NECTIN1: variants seen among roughly 807,000 people sequenced by gnomAD.
The protein encoded by NECTIN1 is nectin cell adhesion molecule 1.
Under a neutral mutation model 48.0 loss-of-function variants are expected in NECTIN1, and 23 were observed. The ratio of observed to expected loss-of-function variants is 0.48; its 90% CI spans 0.34 to 0.68. The LOEUF is 0.68. NECTIN1 is among the 30% of genes least tolerant of loss of function. The probability of loss-of-function intolerance (pLI) is 0.01; values close to 1 mark genes in which losing one functional copy is unlikely to be tolerated. For synonymous variants in NECTIN1, 270 were observed against 288.9 expected (o/e 0.93, Z 0.66); for missense variants, 591 against 709.9 (o/e 0.83, Z 1.90).
intron 5 of NECTIN1, chr11:119,674,571 C>G: frequency 6.2e-7 from 1 of 1,614,218 alleles, no homozygotes; most frequent in Non-Finnish European, 8.5e-7. Context: ...GCTCCTTTCA[C>G]GTCCCAGGTG....
downstream of NECTIN1, among the ~76,000 whole-genome samples, chr11:119,659,888 A>T (rs1401047674): frequency 6.6e-6 from 1 of 152,268 alleles, no homozygotes; most frequent in Non-Finnish European, 1.5e-5. Flanking sequence ...TTAAACGGAC[A>T]GCCTGGAAAA....
intron 1 of NECTIN1, among the ~76,000 whole-genome samples, chr11:119,686,196 G>A (rs959936999): frequency 9.2e-5 from 14 of 152,260 alleles, no homozygotes; most frequent in Middle Eastern, 6.8e-3. Flanking sequence ...TTCCAGCCCC[G>A]CTGGTCCTGA....
intron 1 of NECTIN1, among the ~76,000 whole-genome samples, chr11:119,708,142 G>A (rs1414132536): frequency 6.6e-6 from 1 of 152,224 alleles, no homozygotes; most frequent in Non-Finnish European, 1.5e-5. Flanking sequence ...AGGCGCCACA[G>A]AAGATGTGAG....
At chr11:119,647,402 C>A (rs1864413436) in intron 5 of NECTIN1, among the ~76,000 whole-genome samples, 1 of 151,942 alleles carries the variant, frequency 6.6e-6, no homozygotes, top group South Asian at 2.1e-4. Context: ...CGACTCTGAA[C>A]CCCCTCCAAG....
intron 1 of NECTIN1, among the ~76,000 whole-genome samples, chr11:119,690,922 C>A (rs1019609931): frequency 3.3e-5 from 5 of 152,188 alleles, no homozygotes; most frequent in Non-Finnish European, 5.9e-5. Flanking sequence ...CCACCCCAAC[C>A]CCGATTCTCT....
chr11:119,677,229 A>C lies in NECTIN1; in HGVS notation c.734-10T>G, dbSNP rs749669622. On this transcript the variant is annotated splice_polypyrimidine_tract_variant and intron_variant, in intron 3 of 5. Coordinates refer to ENST00000264025, the MANE Select transcript of NECTIN1 (RefSeq NM_002855.5). The surrounding 1 kb of genome is among the most constrained non-coding windows in gnomAD (Gnocchi z 5.4). ...GTTACCTCAGGCTCATCTGTGGGGC[A>C]AGGGATGTTTGAAGAGGGTGAGGTC... The C allele has an allele frequency of 1.2e-6, 2 of 1,610,316 alleles. No individual in the cohort carries two copies. Among genetic ancestry groups the C allele is most frequent in the Non-Finnish European group, 1.7e-6 (2 of 1,176,584 alleles).
chr11:119,687,341 A>T lies in NECTIN1; in HGVS notation c.80-8576T>A, dbSNP rs1000462656. On this transcript the variant is annotated intron_variant, in intron 1 of 5. Coordinates refer to ENST00000264025, the MANE Select transcript of NECTIN1 (RefSeq NM_002855.5). ...CCATCCCTGAGGCCCTGCTCTGGAG[A>T]TCTTAGCCTTGTTTGTGTCTGCACT... The T allele has an allele frequency of 3.9e-5, 6 of 152,112 alleles. No homozygotes were observed. In the South Asian group the frequency reaches 6.2e-4, roughly 16 times the overall value. 9.4% of individuals were successfully genotyped at this position (152,112 alleles called of 1,614,324 possible).
chr11:119,714,940 G>A (rs113393629), intron 1 of NECTIN1, among the ~76,000 whole-genome samples: 1 of 152,164 alleles, frequency 6.6e-6, no homozygotes, highest in Non-Finnish European at 1.5e-5. Flanking sequence ...ATGGTGAGGT[G>A]TGTGAGACTC....
At chr11:119,668,268 C>A (rs1864808070) in intron 5 of NECTIN1, among the ~76,000 whole-genome samples, 1 of 152,212 alleles carries the variant, frequency 6.6e-6, no homozygotes, top group South Asian at 2.1e-4. Context: ...CCAGGTTTTA[C>A]TGCTGTGGTC....
rs1864685292 is a variant in NECTIN1 at position 119,662,527 on chromosome 11, G to A, written c.*2220C>T. On this transcript the variant is annotated 3_prime_UTR_variant, in exon 6 of 6. Coordinates refer to ENST00000264025, the MANE Select transcript of NECTIN1 (RefSeq NM_002855.5). The surrounding 1 kb of genome is among the most constrained non-coding windows in gnomAD (Gnocchi z 5.3). ...TTTGGCTGGGCTTGGGGCCTTCAAAGTCCAACACAGAATGGGGAATAGAGG... is the reference window on the plus strand; with the variant it reads ...TTTGGCTGGGCTTGGGGCCTTCAAAATCCAACACAGAATGGGGAATAGAGG... 2.0e-6 allele frequency: 2 copies of A among 985,704 alleles called. No individual in the cohort carries two copies. The highest frequency in any genetic ancestry group is 1.2e-6 in the Non-Finnish European group (1 of 830,022). 61.1% of individuals were successfully genotyped at this position (985,704 alleles called of 1,614,324 possible). A position where few individuals can be genotyped will look rare whatever the true frequency, so the allele number is the denominator to read the frequency against.
chr11:119,685,896 G>T (rs1331841849), intron 1 of NECTIN1, among the ~76,000 whole-genome samples: 1 of 152,136 alleles, frequency 6.6e-6, no homozygotes, highest in East Asian at 1.9e-4. Context: ...GGGAATATTG[G>T]CTCTGATGAC....
Position 119,678,890 on chromosome 11 carries a change from T to A in NECTIN1, c.80-125A>T, listed in dbSNP as rs1284984153. 1 of 715,224 alleles carries A rather than the reference T, an allele frequency of 1.4e-6. No homozygotes were observed. Among genetic ancestry groups the A allele is most frequent in the Non-Finnish European group, 2.5e-6 (1 of 403,714 alleles). 44.3% of individuals were successfully genotyped at this position (715,224 alleles called of 1,614,324 possible). On this transcript the variant is annotated intron_variant, in intron 1 of 5. Transcript: ENST00000264025. This position sits in a 1 kb window ranked among gnomAD's most constrained non-coding sequence, Gnocchi z 4.4. ...ATTGTTTTTATTCCGATTGTAAAAA[T>A]ATTAATTACTTGTTATAAAAACACT...
At chr11:119,651,321 T>C (rs545524502) in intron 5 of NECTIN1, among the ~76,000 whole-genome samples, 1 of 152,054 alleles carries the variant, frequency 6.6e-6, no homozygotes, top group Admixed American at 6.5e-5. Flanking sequence ...TCAGAAAGAG[T>C]ATCATGTGAG....
downstream of NECTIN1, among the ~76,000 whole-genome samples, chr11:119,658,508 C>T (rs535947569): frequency 3.9e-5 from 6 of 152,224 alleles, no homozygotes; most frequent in East Asian, 1.9e-4. Context: ...CTGTGGGCAC[C>T]GGTACAGAGG....
intron 1 of NECTIN1, among the ~76,000 whole-genome samples, chr11:119,687,893 G>C (rs1163788799): frequency 6.6e-6 from 1 of 152,218 alleles, no homozygotes; most frequent in African/African-American, 2.4e-5. Context: ...ATGGCCGGGG[G>C]GGTGAGTGGA....
Position 119,684,372 on chromosome 11 carries a change from C to T in NECTIN1, c.80-5607G>A, listed in dbSNP as rs1865117730. On this transcript the variant is annotated intron_variant, in intron 1 of 5. Coordinates refer to ENST00000264025, the MANE Select transcript of NECTIN1 (RefSeq NM_002855.5). The surrounding 1 kb of genome is among the most constrained non-coding windows in gnomAD (Gnocchi z 5.2). ...CTTGGCCTGGAGTAAAGTGGCGGCA[C>T]ATTGCAGAGAGGGAGTGGGTCTGTG... 6.6e-6 allele frequency among the ~76,000 whole-genome samples: 1 copy of T among 152,236 alleles called. No individual in the cohort carries two copies. Among genetic ancestry groups the T allele is most frequent in the Non-Finnish European group, 1.5e-5 (1 of 68,042 alleles).
chr11:119,644,577 G>C (rs1864370197), intron 5 of NECTIN1, among the ~76,000 whole-genome samples: 1 of 152,228 alleles, frequency 6.6e-6, no homozygotes, highest in South Asian at 2.1e-4. Context: ...CCGGTGTGAG[G>C]GGCTTGCCCC....
chr11:119,682,145 A>T (rs1865070224), intron 1 of NECTIN1, among the ~76,000 whole-genome samples: 1 of 152,088 alleles, frequency 6.6e-6, no homozygotes, highest in Non-Finnish European at 1.5e-5. Flanking sequence ...GGTTGGGGAG[A>T]AGGACCCTCA....
chr11:119,713,840 G>C (rs1388577071), intron 1 of NECTIN1: 1 of 455,976 alleles, frequency 2.2e-6, no homozygotes, highest in Non-Finnish European at 4.4e-6. Flanking sequence ...GGGAGGCACT[G>C]TTTGGGGCTA....
Sources: gnomAD v4.1 joint callset for allele counts (sites outside exome capture counted in the v4.1 genomes callset) on GRCh38, gnomAD v4.1.1 for gene constraint, Gnocchi (gnomAD v3.1) non-coding constraint, MANE v1.5 for transcripts, NCBI Gene and HGNC (gene_info 2026-07-23, HGNC 2026-07-21) for gene names.